The following HACE1 variants were observed in gnomAD, a reference collection of about 807,000 sequenced individuals.
The protein encoded by HACE1 is E3 ubiquitin-protein ligase HACE1.
A neutral mutation model predicts 118.4 loss-of-function variants in HACE1; 73 were observed. The observed-to-expected ratio is 0.62, with a 90% confidence interval of 0.51 to 0.75. The LOEUF is 0.75. Among genes scored for constraint, HACE1 ranks in the 30% least tolerant of loss-of-function variants. The pLI, the probability that HACE1 is intolerant of heterozygous loss-of-function variation, is 0.00. For missense variants in HACE1, 749 were observed against 1,102.2 expected (o/e 0.68, Z 4.54); for synonymous variants, 368 against 374.8 (o/e 0.98, Z 0.21).
rs192838402 is a variant in HACE1 at position 104,858,983 on chromosome 6, T to C, written c.76+584A>G. On this transcript the variant is annotated intron_variant, in intron 1 of 23. Transcript: ENST00000262903. ...GCCCACTCAATACTAGTCTGATGAA[T>C]AAATGAAGAATGAAGGCAGGCATGC... 9.9e-5 allele frequency among the ~76,000 whole-genome samples: 15 copies of C among 152,270 alleles called. No homozygotes were observed. In the East Asian group the frequency reaches 2.9e-3, roughly 29 times the overall value.
intron 19 of HACE1, among the ~76,000 whole-genome samples, chr6:104,751,891 A>ATTTTTTT: frequency 7.7e-6 from 1 of 129,232 alleles, no homozygotes; most frequent in Non-Finnish European, 1.6e-5. Flanking sequence ...CTCTTCCTTT[A>ATTTTTTT]TTTTTCTTTT....
chr6:104,844,662 C>A (rs772142603), intron 4 of HACE1, among the ~76,000 whole-genome samples: 2 of 136,678 alleles, frequency 1.5e-5, no homozygotes, highest in African/African-American at 2.8e-5. Context: ...CCATCACAAC[C>A]TTTTTTTTTT....
At chr6:104,742,875 C>A (rs1046737566) in intron 22 of HACE1, among the ~76,000 whole-genome samples, 20 of 151,744 alleles carry the variant, frequency 1.3e-4, no homozygotes, top group African/African-American at 4.8e-4. Flanking sequence ...ATGTTTATTG[C>A]GGCATTATTC....
intron 9 of HACE1, among the ~76,000 whole-genome samples, chr6:104,796,114 T>C (rs1353034579): frequency 1.3e-5 from 2 of 152,104 alleles, no homozygotes; most frequent in Non-Finnish European, 2.9e-5. Flanking sequence ...TTTATTTTTA[T>C]TTTTTTAAAG....
Position 104,762,636 on chromosome 6 carries a change from C to T in HACE1, c.2211+8557G>A, listed in dbSNP as rs1329173744. ...ATGGGTGCCACAAACCACCATGGCA[C>T]GTGTATACCTATGTAACAAACCCAC... On this transcript the variant is annotated intron_variant, in intron 19 of 23. Transcript: ENST00000262903. Among the ~76,000 whole-genome samples the T allele has an allele frequency of 3.3e-5, 5 of 152,122 alleles. No individual in the cohort carries two copies. In the South Asian group the frequency reaches 8.3e-4, roughly 25 times the overall value.
At chr6:104,767,053 T>C (rs1289135994) in intron 19 of HACE1, 2 of 152,108 alleles carry the variant, frequency 1.3e-5, no homozygotes, top group African/African-American at 4.8e-5. Flanking sequence ...CTAATAAATG[T>C]CAAATGTTTT....
At chr6:104,775,969 C>T (rs1398465749) in intron 17 of HACE1, among the ~76,000 whole-genome samples, 1 of 152,196 alleles carries the variant, frequency 6.6e-6, no homozygotes, top group African/African-American at 2.4e-5. Flanking sequence ...CATTTGAAAA[C>T]TGAAATCCCA....
At position 104,729,628 on chromosome 6, in the gene HACE1, T is replaced by C. The variant is rs1305471723; in HGVS notation, c.*34A>G. 2.1e-6 allele frequency: 2 copies of C among 972,214 alleles called. No homozygotes were observed. The highest frequency in any genetic ancestry group is 1.7e-6 in the Non-Finnish European group (1 of 593,972). The allele number at this position is 972,214 out of a possible 1,614,324, so 60.2% of individuals were successfully genotyped here. ...AAATTACTTCTGCCATTCTGAATTGTGCATCAGTAGTCAGAGGAGTTTTCC... is the reference window on the plus strand; with the variant it reads ...AAATTACTTCTGCCATTCTGAATTGCGCATCAGTAGTCAGAGGAGTTTTCC... On this transcript the variant is annotated 3_prime_UTR_variant, in exon 24 of 24. Coordinates refer to ENST00000262903, the MANE Select transcript of HACE1 (RefSeq NM_020771.4).
At chr6:104,814,872 T>C (rs1771958748) in intron 6 of HACE1, among the ~76,000 whole-genome samples, 1 of 138,414 alleles carries the variant, frequency 7.2e-6, no homozygotes, top group Non-Finnish European at 1.6e-5. Context: ...TGATTGTAAG[T>C]TTCCTGAGGC....
At chr6:104,852,228 T>TGTGC (rs142463116) in intron 2 of HACE1, 89 bp downstream of exon 2, 20,192 of 649,918 alleles carry the variant, frequency 0.031, 261 homozygotes, top group East Asian at 0.11. Flanking sequence ...TGTGTGTGTG[T>TGTGC]GCGCGCGTGC....
intron 22 of HACE1, among the ~76,000 whole-genome samples, chr6:104,742,146 A>G (rs1776807519): frequency 7.5e-6 from 1 of 132,848 alleles, no homozygotes; most frequent in South Asian, 2.3e-4. Context: ...CTTACACCTT[A>G]TACAAAAATC....
At chr6:104,767,394 C>A (rs1358498663) in intron 19 of HACE1, among the ~76,000 whole-genome samples, 1 of 152,118 alleles carries the variant, frequency 6.6e-6, no homozygotes, top group African/African-American at 2.4e-5. Context: ...ATCTTCACTG[C>A]CACTTGCCTT....
At chr6:104,831,976 A>G (rs1290776626) in intron 6 of HACE1, among the ~76,000 whole-genome samples, 1 of 54,520 alleles carries the variant, frequency 1.8e-5, no homozygotes, top group Admixed American at 1.7e-4. Context: ...AAGAGAAGAG[A>G]AGAGAGGAAG....
At chr6:104,780,007 G>T (rs769587922) in intron 14 of HACE1, among the ~76,000 whole-genome samples, 1 of 151,914 alleles carries the variant, frequency 6.6e-6, no homozygotes, top group Non-Finnish European at 1.5e-5. Context: ...TTTTACCAAA[G>T]AGAAAAATAC....
At chr6:104,808,014 C>A (rs1053106605) in intron 7 of HACE1, among the ~76,000 whole-genome samples, 1 of 152,054 alleles carries the variant, frequency 6.6e-6, no homozygotes, top group South Asian at 2.1e-4. Context: ...TGGCAAAACG[C>A]CATCTCTACT....
chr6:104,731,960 GA>G (rs1454974913), intron 22 of HACE1: 1 of 151,288 alleles, frequency 6.6e-6, no homozygotes, highest in Non-Finnish European at 1.5e-5. Flanking sequence ...ATAAGCACAT[GA>G]AAAGATGCTC....
chr6:104,823,141 T>G (rs1772957764), intron 6 of HACE1, among the ~76,000 whole-genome samples: 1 of 152,176 alleles, frequency 6.6e-6, no homozygotes, highest in Non-Finnish European at 1.5e-5. Context: ...GAAAAACACT[T>G]GATTAAAAAA....
intron 22 of HACE1, among the ~76,000 whole-genome samples, chr6:104,742,740 G>T (rs9391234): frequency 0.23 from 34,521 of 151,352 alleles, 4,078 homozygotes; most frequent in African/African-American, 0.29. Flanking sequence ...CAACCATTGT[G>T]GAAGTCAGTG....
chr6:104,746,587 C>T (rs1374006611), intron 20 of HACE1, among the ~76,000 whole-genome samples: 1 of 152,164 alleles, frequency 6.6e-6, no homozygotes, highest in Non-Finnish European at 1.5e-5. Context: ...GGTTCAGGCT[C>T]CCACGGGGCT....
Sources: gnomAD v4.1 joint callset for allele counts (sites outside exome capture counted in the v4.1 genomes callset) on GRCh38, gnomAD v4.1.1 for gene constraint, MANE v1.5 for transcripts, NCBI Gene and HGNC (gene_info 2026-07-23, HGNC 2026-07-21) for gene names.